FRMD4A: variants seen among roughly 807,000 people sequenced by gnomAD.
FRMD4A encodes FERM domain containing 4A, also known as FERM domain-containing protein 4A.
A neutral mutation model predicts 129.1 loss-of-function variants in FRMD4A; 29 were observed. The ratio of observed to expected loss-of-function variants is 0.22; its 90% CI spans 0.17 to 0.31. FRMD4A has a LOEUF of 0.31. FRMD4A is among the 10% of genes least tolerant of loss of function. The probability of loss-of-function intolerance (pLI) is 1.00; values close to 1 mark genes in which losing one functional copy is unlikely to be tolerated. For synonymous variants in FRMD4A, 634 were observed against 571.6 expected, an observed-to-expected ratio of 1.11 and a Z score of -1.56; for missense variants, 1,272 against 1,375.8, an observed-to-expected ratio of 0.92 and a Z score of 1.19.
At chr10:13,924,831 G>A (rs191727953) in intron 2 of FRMD4A, among the ~76,000 whole-genome samples, 4 of 152,128 alleles carry the variant, frequency 2.6e-5, no homozygotes, top group Non-Finnish European at 2.9e-5. Context: ...TTGGGAGGCC[G>A]AAGCGGGCGG....
rs190411463 is a variant in FRMD4A, at chr10:14,242,415, G to C, written c.45+87643C>G. On this transcript the variant is annotated intron_variant, in intron 2 of 24. Transcript: ENST00000357447. Reference sequence around the variant, plus strand: ...GGACTGCATTATTATATTAGATTTTGCAGATATTTCTTACACGTCGTTGCT... The same window carrying C: ...GGACTGCATTATTATATTAGATTTTCCAGATATTTCTTACACGTCGTTGCT... Among the ~76,000 whole-genome samples the C allele has an allele frequency of 4.6e-3, 703 of 152,302 alleles. 7 individuals are homozygous for C. Among genetic ancestry groups the C allele is most frequent in the Middle Eastern group, 0.017 (5 of 294 alleles).
chr10:14,026,035 T>G (rs556237486), intron 2 of FRMD4A, among the ~76,000 whole-genome samples: 1 of 152,336 alleles, frequency 6.6e-6, no homozygotes, highest in African/African-American at 2.4e-5. Context: ...AGTGCCCAGT[T>G]CTGTCCTCTT....
chr10:13,819,149 AAC>A (rs377656630), intron 3 of FRMD4A, among the ~76,000 whole-genome samples: 66,505 of 151,436 alleles, frequency 0.44, 15,107 homozygotes, highest in Middle Eastern at 0.6. Flanking sequence ...AACAAAACAA[AAC>A]AAAATCCCCA....
chr10:14,229,385 T>C lies in FRMD4A; in HGVS notation c.45+100673A>G, dbSNP rs367702359. Among the ~76,000 whole-genome samples, 18 of 152,314 alleles carry C rather than the reference T, an allele frequency of 1.2e-4. No homozygotes were observed. In the South Asian group the frequency reaches 3.7e-3, roughly 32 times the overall value. Reference sequence around the variant, plus strand: ...TCATTTAAACTTGTGCTACTCAAAATATTACATTTCTTTAAGTAGCCCCAC... The same window carrying C: ...TCATTTAAACTTGTGCTACTCAAAACATTACATTTCTTTAAGTAGCCCCAC... On this transcript the variant is annotated intron_variant, in intron 2 of 24. Coordinates refer to ENST00000357447, the MANE Select transcript of FRMD4A (RefSeq NM_018027.5).
At chr10:13,995,418 C>T (rs1260893784) in intron 2 of FRMD4A, among the ~76,000 whole-genome samples, 2 of 152,154 alleles carry the variant, frequency 1.3e-5, no homozygotes, top group East Asian at 3.8e-4. Flanking sequence ...AACCCTGTCT[C>T]TACTAAAAAT....
rs146301392 is a variant in FRMD4A at position 13,898,289 on chromosome 10, C to T, written c.46-39377G>A. Reference sequence around the variant, plus strand: ...TTGGGAGGTGGAGAATTACTTGAACCCAGGAGGTGGAGGTTGCAGTGAGCT... The same window carrying T: ...TTGGGAGGTGGAGAATTACTTGAACTCAGGAGGTGGAGGTTGCAGTGAGCT... On this transcript the variant is annotated intron_variant, in intron 2 of 24. Coordinates refer to ENST00000357447, the MANE Select transcript of FRMD4A (RefSeq NM_018027.5). 5.9e-3 allele frequency among the ~76,000 whole-genome samples: 893 copies of T among 152,162 alleles called. 4 individuals carry two copies. Among genetic ancestry groups the T allele is most frequent in the African/African-American group, 0.02 (828 of 41,496 alleles).
At chr10:13,871,695 G>A (rs2094440469) in intron 2 of FRMD4A, among the ~76,000 whole-genome samples, 2 of 152,216 alleles carry the variant, frequency 1.3e-5, no homozygotes, top group Non-Finnish European at 2.9e-5. Flanking sequence ...AGGGCACGGG[G>A]GACAGCCAGG....
chr10:14,215,147 C>T (rs1843037280), intron 2 of FRMD4A, among the ~76,000 whole-genome samples: 1 of 152,106 alleles, frequency 6.6e-6, no homozygotes, highest in Admixed American at 6.5e-5. Context: ...CTAGAGAAGC[C>T]ATTGTCTACA....
At chr10:14,129,062 C>T (rs932003076) in intron 2 of FRMD4A, among the ~76,000 whole-genome samples, 1 of 151,792 alleles carries the variant, frequency 6.6e-6, no homozygotes, top group African/African-American at 2.4e-5. Context: ...GCAGGTGTGG[C>T]CCCCCCAATA....
intron 2 of FRMD4A, among the ~76,000 whole-genome samples, chr10:13,985,200 T>G (rs1314906418): frequency 6.6e-6 from 1 of 152,252 alleles, no homozygotes; most frequent in Non-Finnish European, 1.5e-5. Flanking sequence ...AGCTCTGAAG[T>G]CCGGCTCACG....
At chr10:13,947,674 T>C (rs949314116) in intron 2 of FRMD4A, among the ~76,000 whole-genome samples, 2 of 151,968 alleles carry the variant, frequency 1.3e-5, no homozygotes, top group African/African-American at 2.4e-5. Flanking sequence ...ATACATGCCA[T>C]AGTACAGCAG....
intron 2 of FRMD4A, among the ~76,000 whole-genome samples, chr10:13,960,678 C>G (rs1341310258): frequency 6.6e-6 from 1 of 152,184 alleles, no homozygotes; most frequent in Non-Finnish European, 1.5e-5. Context: ...CCATGCTAAG[C>G]TGACTGTCTG....
intron 2 of FRMD4A, among the ~76,000 whole-genome samples, chr10:14,293,044 A>G (rs1175301360): frequency 1.3e-5 from 2 of 152,218 alleles, no homozygotes; most frequent in African/African-American, 4.8e-5. Context: ...ATAAAAATTA[A>G]GAAAAAGACA....
chr10:14,137,589 C>A (rs1164409770), intron 2 of FRMD4A, among the ~76,000 whole-genome samples: 3 of 152,092 alleles, frequency 2.0e-5, no homozygotes, highest in Non-Finnish European at 4.4e-5. Flanking sequence ...GGTAGAGAGG[C>A]ATGATGAAAA....
intron 2 of FRMD4A, among the ~76,000 whole-genome samples, chr10:14,266,240 G>A (rs1261266203): frequency 6.6e-6 from 1 of 152,040 alleles, no homozygotes; most frequent in Non-Finnish European, 1.5e-5. Context: ...AAAGCCAATA[G>A]TGCCCCCGAA....
intron 2 of FRMD4A, among the ~76,000 whole-genome samples, chr10:14,263,342 C>T (rs1165351670): frequency 1.3e-5 from 2 of 152,154 alleles, no homozygotes; most frequent in African/African-American, 4.8e-5. Context: ...GGGAAGGGGA[C>T]GGGCCCCATA....
At chr10:14,132,908 G>A (rs1839336609) in intron 2 of FRMD4A, among the ~76,000 whole-genome samples, 1 of 152,178 alleles carries the variant, frequency 6.6e-6, no homozygotes, top group Non-Finnish European at 1.5e-5. Context: ...AGCAGATTCA[G>A]CAACAATATT....
chr10:13,683,541 G>A (rs2084800780), intron 15 of FRMD4A, among the ~76,000 whole-genome samples: 1 of 151,982 alleles, frequency 6.6e-6, no homozygotes, highest in Non-Finnish European at 1.5e-5. Flanking sequence ...AGAGTACACT[G>A]AGCTATGCTC....
chr10:14,101,463 C>T (rs1837297414), intron 2 of FRMD4A, among the ~76,000 whole-genome samples: 1 of 152,170 alleles, frequency 6.6e-6, no homozygotes, highest in Admixed American at 6.5e-5. Context: ...TGAAATTCCA[C>T]GGACATTCAT....
Sources: gnomAD v4.1 joint callset for allele counts (sites outside exome capture counted in the v4.1 genomes callset) on GRCh38, gnomAD v4.1.1 for gene constraint, MANE v1.5 for transcripts, NCBI Gene and HGNC (gene_info 2026-07-23, HGNC 2026-07-21) for gene names.